TENM3: variants seen among roughly 807,000 people sequenced by gnomAD.
TENM3 encodes the protein teneurin-3.
TENM3 carries 63 observed loss-of-function variants against 255.1 expected under a neutral mutation model. That is an observed-to-expected ratio of 0.25 (90% CI 0.20 to 0.30). The LOEUF (loss-of-function observed/expected upper bound fraction) is 0.30. Among genes scored for constraint, TENM3 ranks in the 10% least tolerant of loss-of-function variants. The pLI, the probability that TENM3 is intolerant of heterozygous loss-of-function variation, is 1.00. For missense variants in TENM3, 2,929 were observed against 3,461.1 expected (o/e 0.85, Z 3.86); for synonymous variants, 1,306 against 1,322.3 (o/e 0.99, Z 0.27).
At chr4:182,737,372 G>T (rs965649890) in intron 17 of TENM3, among the ~76,000 whole-genome samples, 2 of 152,008 alleles carry the variant, frequency 1.3e-5, no homozygotes, top group Non-Finnish European at 2.9e-5. Flanking sequence ...TCCTTATTTT[G>T]TCCCTTTCTT....
the TENM3 span, among the ~76,000 whole-genome samples, chr4:182,051,744 T>C: frequency 1.3e-5 from 2 of 152,200 alleles, no homozygotes; most frequent in Admixed American, 1.3e-4. Context: ...TGGTATTGTC[T>C]GGGCATATAA....
At chr4:182,636,397 T>C (rs1751845569) in intron 5 of TENM3, among the ~76,000 whole-genome samples, 1 of 152,208 alleles carries the variant, frequency 6.6e-6, no homozygotes, top group Admixed American at 6.5e-5. Flanking sequence ...TAATGTATTT[T>C]ACTCTTAGTT....
the TENM3 span, among the ~76,000 whole-genome samples, chr4:181,807,172 T>A: frequency 2.0e-5 from 3 of 152,216 alleles, no homozygotes; most frequent in Admixed American, 2.0e-4. Context: ...TCTTTCCTCT[T>A]ACTAGACAAA....
At chr4:182,627,187 T>A (rs927632943) in intron 4 of TENM3, among the ~76,000 whole-genome samples, 17 of 152,242 alleles carry the variant, frequency 1.1e-4, no homozygotes, top group African/African-American at 3.9e-4. Context: ...TCCTTTTTTA[T>A]TAATTGGATA....
At chr4:181,498,952 C>T in the TENM3 span, among the ~76,000 whole-genome samples, 1 of 152,174 alleles carries the variant, frequency 6.6e-6, no homozygotes, top group Non-Finnish European at 1.5e-5. Context: ...TGTATTCACA[C>T]ATAGAAGTCT....
At chr4:181,751,415 G>GAAAAAAA in the TENM3 span, among the ~76,000 whole-genome samples, 6 of 114,680 alleles carry the variant, frequency 5.2e-5, no homozygotes, top group Admixed American at 9.5e-5. Flanking sequence ...CCTTCCAAAG[G>GAAAAAAA]AAAAAAAAAA....
chr4:182,493,704 G>A (rs768639116), intron 3 of TENM3, among the ~76,000 whole-genome samples: 2 of 152,168 alleles, frequency 1.3e-5, no homozygotes, highest in East Asian at 3.9e-4. Context: ...ATTGATTTCT[G>A]TTCAGTTAGA....
At chr4:182,630,606 A>C (rs1464078051) in intron 5 of TENM3, among the ~76,000 whole-genome samples, 1 of 152,156 alleles carries the variant, frequency 6.6e-6, no homozygotes, top group African/African-American at 2.4e-5. Context: ...TGCTGGACTT[A>C]ATACCTAGGT....
chr4:181,896,504 C>T, the TENM3 span, among the ~76,000 whole-genome samples: 3 of 152,204 alleles, frequency 2.0e-5, no homozygotes, highest in Non-Finnish European at 4.4e-5. Flanking sequence ...AGCGTTTGCT[C>T]TTCATCCTGA....
At chr4:181,801,484 G>T in the TENM3 span, among the ~76,000 whole-genome samples, 1 of 151,884 alleles carries the variant, frequency 6.6e-6, no homozygotes, top group Non-Finnish European at 1.5e-5. Flanking sequence ...CCCGAGGAGG[G>T]TGGAGGGGGC....
the TENM3 span, among the ~76,000 whole-genome samples, chr4:181,468,045 C>T: frequency 2.7e-5 from 4 of 150,776 alleles, no homozygotes; most frequent in African/African-American, 9.8e-5. Flanking sequence ...CCTGTAATCC[C>T]AGCACTCTGG....
chr4:182,156,687 T>C (rs973155465), intron 1 of TENM3, among the ~76,000 whole-genome samples: 3 of 151,496 alleles, frequency 2.0e-5, no homozygotes. Context: ...GCAAATTTAC[T>C]GAATCTGTAA....
chr4:182,100,054 G>A, the TENM3 span, among the ~76,000 whole-genome samples: 10 of 151,954 alleles, frequency 6.6e-5, no homozygotes, highest in South Asian at 8.3e-4. Flanking sequence ...GGTAAGTTAC[G>A]TACATTTCTG....
chr4:181,993,615 T>C, the TENM3 span, among the ~76,000 whole-genome samples: 1 of 152,156 alleles, frequency 6.6e-6, no homozygotes, highest in African/African-American at 2.4e-5. Context: ...TGCCAGTGCT[T>C]TGCATTTAAG....
intron 3 of TENM3, among the ~76,000 whole-genome samples, chr4:182,385,262 CTTTTT>C (rs397762118): frequency 8.9e-6 from 1 of 112,100 alleles, no homozygotes; most frequent in Non-Finnish European, 1.7e-5. Flanking sequence ...TATTGTGCGT[CTTTTT>C]TTTTTTTTTT....
At chr4:181,598,032 C>T in the TENM3 span, among the ~76,000 whole-genome samples, 1 of 152,090 alleles carries the variant, frequency 6.6e-6, no homozygotes, top group Non-Finnish European at 1.5e-5. Context: ...GTAGTGGGCA[C>T]CACTAACTTT....
intron 1 of TENM3, among the ~76,000 whole-genome samples, chr4:182,264,874 A>G (rs1759136393): frequency 6.6e-6 from 1 of 152,120 alleles, no homozygotes; most frequent in African/African-American, 2.4e-5. Context: ...CTATAAATAT[A>G]TTTAAAAGGC....
rs1754667756 is a variant in TENM3 at position 182,666,211 on chromosome 4, C to T, written c.1112-6794C>T. Among the ~76,000 whole-genome samples the T allele has an allele frequency of 1.3e-5, 2 of 152,086 alleles. 1 individual carries two copies. The highest frequency in any genetic ancestry group is 4.1e-4 in the South Asian group (2 of 4,824). On this transcript the variant is annotated intron_variant, in intron 6 of 27. Coordinates refer to ENST00000511685, the MANE Select transcript of TENM3 (RefSeq NM_001080477.4). Reference sequence around the variant, plus strand: ...AAGTGGGTATTTGAGATGGAATTTACTCCTGATGAAGAAGCTATGAACATT... The same window carrying T: ...AAGTGGGTATTTGAGATGGAATTTATTCCTGATGAAGAAGCTATGAACATT...
At chr4:182,314,031 G>A (rs986833689) in intron 1 of TENM3, among the ~76,000 whole-genome samples, 3 of 152,098 alleles carry the variant, frequency 2.0e-5, no homozygotes, top group Non-Finnish European at 4.4e-5. Context: ...GGCACGGGCT[G>A]GCTGGGCGTG....
Sources: gnomAD v4.1 joint callset for allele counts (sites outside exome capture counted in the v4.1 genomes callset) on GRCh38, gnomAD v4.1.1 for gene constraint, MANE v1.5 for transcripts, NCBI Gene and HGNC (gene_info 2026-07-23, HGNC 2026-07-21) for gene names.